Variants in XKR6 observed in about 807,000 individuals in gnomAD.
XKR6 encodes XK related 6, also known as XK-related protein 6.
In XKR6, 22 loss-of-function variants were observed where a neutral mutation model predicts 56.7. The observed-to-expected ratio is 0.39, with a 90% CI of 0.28 to 0.55. The LOEUF (loss-of-function observed/expected upper bound fraction) is 0.55, where lower values mean the gene tolerates loss of function less well. Ranked by LOEUF, XKR6 falls within the 20% of genes least tolerant of loss-of-function variation. The pLI, the probability that XKR6 is intolerant of heterozygous loss-of-function variation, is 0.66. For missense variants in XKR6, 852 were observed against 889.0 expected, an observed-to-expected ratio of 0.96 and a Z score of 0.53; for synonymous variants, 524 against 387.8, an observed-to-expected ratio of 1.35 and a Z score of -4.13.
Position 11,059,771 on chromosome 8 carries a change from T to A in XKR6, c.765-134941A>T, listed in dbSNP as rs995394087. ...CCCCGCGGCTCCCTCTCACCCGCTG[T>A]AACCCCCTGCGCGACCCCGCTGGAG... On this transcript the variant is annotated intron_variant, in intron 1 of 2. Transcript: ENST00000416569. 8.6e-5 allele frequency among the ~76,000 whole-genome samples: 13 copies of A among 151,630 alleles called. 1 individual carries two copies. Among genetic ancestry groups the A allele is most frequent in the Admixed American group, 1.3e-4 (2 of 15,274 alleles).
intron 1 of XKR6, among the ~76,000 whole-genome samples, chr8:10,944,034 C>T (rs1801462600): frequency 6.6e-6 from 1 of 152,110 alleles, no homozygotes; most frequent in Non-Finnish European, 1.5e-5. Flanking sequence ...CGACCCTGCA[C>T]CCAGTCCCTT....
At chr8:11,031,417 T>A (rs2129152054) in intron 1 of XKR6, among the ~76,000 whole-genome samples, 1 of 152,208 alleles carries the variant, frequency 6.6e-6, no homozygotes, top group Middle Eastern at 3.4e-3. Context: ...CTGAGGCAGG[T>A]CCGAGTAAGG....
intron 1 of XKR6, among the ~76,000 whole-genome samples, chr8:10,990,476 C>G (rs774275592): frequency 3.9e-5 from 6 of 152,144 alleles, no homozygotes; most frequent in Non-Finnish European, 5.9e-5. Context: ...GAAATACTGC[C>G]CATGGTGCTG....
At chr8:10,979,537 C>G (rs1393216318) in intron 1 of XKR6, among the ~76,000 whole-genome samples, 1 of 152,164 alleles carries the variant, frequency 6.6e-6, no homozygotes, top group Admixed American at 6.5e-5. Context: ...GACCCCCGAC[C>G]CTCTAGCCCC....
chr8:11,046,253 A>G (rs1799407657), intron 1 of XKR6, among the ~76,000 whole-genome samples: 1 of 152,106 alleles, frequency 6.6e-6, no homozygotes. Flanking sequence ...TACAAAAATT[A>G]GCTGGGCATG....
At chr8:11,069,951 T>G (rs1800075325) in intron 1 of XKR6, among the ~76,000 whole-genome samples, 1 of 152,220 alleles carries the variant, frequency 6.6e-6, no homozygotes, top group African/African-American at 2.4e-5. Flanking sequence ...GATTAGTCAA[T>G]AGAGGCCAGG....
chr8:10,985,867 G>C (rs1797851545), intron 1 of XKR6, among the ~76,000 whole-genome samples: 1 of 152,144 alleles, frequency 6.6e-6, no homozygotes, highest in Non-Finnish European at 1.5e-5. Flanking sequence ...TGGACTCCCA[G>C]AGCGCTGGGA....
intron 1 of XKR6, among the ~76,000 whole-genome samples, chr8:11,128,016 T>C (rs1799913899): frequency 6.6e-6 from 1 of 152,200 alleles, no homozygotes; most frequent in African/African-American, 2.4e-5. Context: ...TAAAACGACA[T>C]GCATTTGATT....
At chr8:10,941,170 C>G (rs1278988350) in intron 1 of XKR6, among the ~76,000 whole-genome samples, 1 of 152,188 alleles carries the variant, frequency 6.6e-6, no homozygotes, top group African/African-American at 2.4e-5. Context: ...TACCCTCTCT[C>G]CTGTCCTTCC....
intron 2 of XKR6, among the ~76,000 whole-genome samples, chr8:10,911,249 G>T (rs956664300): frequency 6.7e-6 from 1 of 149,332 alleles, no homozygotes; most frequent in Non-Finnish European, 1.5e-5. Context: ...TAGAGAGAGA[G>T]AGAGAGACAG....
chr8:11,198,679 C>T (rs1208687263), intron 1 of XKR6, among the ~76,000 whole-genome samples: 2 of 152,260 alleles, frequency 1.3e-5, no homozygotes, highest in African/African-American at 4.8e-5. Context: ...TTCATTCTGT[C>T]TCAAAGCTTA....
chr8:11,173,349 A>AT (rs60487644), intron 1 of XKR6, among the ~76,000 whole-genome samples: 9,491 of 145,996 alleles, frequency 0.065, 727 homozygotes, highest in African/African-American at 0.18. Flanking sequence ...GCCTTAAAAA[A>AT]AATATATATA....
chr8:11,101,094 C>T (rs1586545325), intron 1 of XKR6, among the ~76,000 whole-genome samples: 1 of 152,188 alleles, frequency 6.6e-6, no homozygotes, highest in African/African-American at 2.4e-5. Context: ...ACAATGCTCA[C>T]GGGTAGTATT....
At position 10,899,079 on chromosome 8, in the gene XKR6, C is replaced by T. The variant is rs117025478; in HGVS notation, c.962-163G>A. ...CGAACTTGGAGGTCACAGCTGCTCCCTACGCTGACAACTTGGGAGATGGAG... is the reference window on the plus strand; with the variant it reads ...CGAACTTGGAGGTCACAGCTGCTCCTTACGCTGACAACTTGGGAGATGGAG... On this transcript the variant is annotated intron_variant, in intron 2 of 2. Coordinates refer to ENST00000416569, the MANE Select transcript of XKR6 (RefSeq NM_173683.4). Among the ~76,000 whole-genome samples the T allele has an allele frequency of 4.5e-4, 68 of 152,318 alleles. 2 individuals are homozygous for T. In the East Asian group the frequency reaches 0.012, roughly 26 times the overall value.
Position 10,966,664 on chromosome 8 carries a change from A to G in XKR6, c.765-41834T>C, listed in dbSNP as rs138057891. 8.1e-3 allele frequency among the ~76,000 whole-genome samples: 1,230 copies of G among 152,166 alleles called. 9 individuals carry two copies. The highest frequency in any genetic ancestry group is 0.013 in the Non-Finnish European group (898 of 68,020). ...ACTCCAGCCTGGACCACAGAGTGAG[A>G]CTCTGTCTCAAAAATAAATAAATAA... On this transcript the variant is annotated intron_variant, in intron 1 of 2. Coordinates refer to ENST00000416569, the MANE Select transcript of XKR6 (RefSeq NM_173683.4).
intron 1 of XKR6, among the ~76,000 whole-genome samples, chr8:11,174,531 C>T (rs1477763210): frequency 6.6e-6 from 1 of 152,134 alleles, no homozygotes; most frequent in Non-Finnish European, 1.5e-5. Flanking sequence ...CTAGTAGTTA[C>T]TCAAACAGAT....
Position 11,100,488 on chromosome 8 carries a change from T to A in XKR6, c.764+100088A>T, listed in dbSNP as rs192281383. ...GTACGCAATGATTTAGTCTACAAAC[T>A]ATCGTGAGATCTTATGACCACGAAG... On this transcript the variant is annotated intron_variant, in intron 1 of 2. Transcript: ENST00000416569. 5.3e-5 allele frequency among the ~76,000 whole-genome samples: 8 copies of A among 152,324 alleles called. No individual in the cohort carries two copies. In the East Asian group the frequency reaches 1.5e-3, roughly 29 times the overall value.
chr8:11,090,746 G>A (rs1415506104), intron 1 of XKR6, among the ~76,000 whole-genome samples: 1 of 147,406 alleles, frequency 6.8e-6, no homozygotes, highest in East Asian at 1.9e-4. Context: ...TTCCTTATTG[G>A]GTTGAAGGAG....
chr8:11,133,474 T>A (rs1350015621), intron 1 of XKR6, among the ~76,000 whole-genome samples: 2 of 152,094 alleles, frequency 1.3e-5, no homozygotes, highest in Non-Finnish European at 2.9e-5. Flanking sequence ...CAAGCTCTCC[T>A]TAGGAATGTC....
Sources: gnomAD v4.1 joint callset for allele counts (sites outside exome capture counted in the v4.1 genomes callset) on GRCh38, gnomAD v4.1.1 for gene constraint, MANE v1.5 for transcripts, NCBI Gene and HGNC (gene_info 2026-07-23, HGNC 2026-07-21) for gene names.